The following NAV2 variants were observed in gnomAD, a reference collection of about 807,000 sequenced individuals.
NAV2 encodes helicase, APC down-regulated 1.
Under a neutral mutation model 223.2 loss-of-function variants are expected in NAV2, and 54 were observed. The ratio of observed to expected loss-of-function variants is 0.24; its 90% CI spans 0.19 to 0.30. The LOEUF (loss-of-function observed/expected upper bound fraction) is 0.30. Among genes scored for constraint, NAV2 ranks in the 10% least tolerant of loss-of-function variants. The pLI is 1.00. For synonymous variants in NAV2, 1,279 were observed against 1,239.3 expected (o/e 1.03, Z -0.67); for missense variants, 2,806 against 3,147.5 (o/e 0.89, Z 2.60).
At chr11:19,939,845 A>G (rs2046252247) in intron 8 of NAV2, 72 bp downstream of exon 8, 3 of 1,042,522 alleles carry the variant, frequency 2.9e-6, no homozygotes, top group Non-Finnish European at 4.4e-6. Context: ...CTGGAACAGC[A>G]TGAACCCAGC....
chr11:19,747,507 T>A (rs2053473778), intron 1 of NAV2, among the ~76,000 whole-genome samples: 1 of 152,188 alleles, frequency 6.6e-6, no homozygotes, highest in Admixed American at 6.5e-5. Flanking sequence ...ACACTGACTA[T>A]GCCATTCTCA....
chr11:19,562,497 T>C (rs1012534355), intron 1 of NAV2, among the ~76,000 whole-genome samples: 1 of 152,194 alleles, frequency 6.6e-6, no homozygotes, highest in Non-Finnish European at 1.5e-5. Flanking sequence ...TGACTCTTCA[T>C]ATTTTTTTTT....
At chr11:20,095,015 G>A (rs1288107553) in intron 29 of NAV2, among the ~76,000 whole-genome samples, 1 of 152,204 alleles carries the variant, frequency 6.6e-6, no homozygotes, top group Non-Finnish European at 1.5e-5. Context: ...GATGTTTTGA[G>A]AGTATTCTTC....
intron 1 of NAV2, chr11:19,351,117 C>A: frequency 7.9e-7 from 1 of 1,270,232 alleles, no homozygotes; most frequent in Non-Finnish European, 1.1e-6. Context: ...ATCGAGCATG[C>A]TTGTCTGTCT....
chr11:19,561,131 G>A (rs1018519186), intron 1 of NAV2, among the ~76,000 whole-genome samples: 3 of 152,184 alleles, frequency 2.0e-5, no homozygotes, highest in African/African-American at 7.2e-5. Flanking sequence ...TTCAGCTTGG[G>A]TCTCTAAGGT....
intron 11 of NAV2, among the ~76,000 whole-genome samples, chr11:20,000,641 G>A (rs939441715): frequency 6.6e-6 from 1 of 152,154 alleles, no homozygotes; most frequent in African/African-American, 2.4e-5. Flanking sequence ...CAAGCTGGGG[G>A]AGCTAATGGG....
intron 1 of NAV2, among the ~76,000 whole-genome samples, chr11:19,449,526 C>T (rs1851712165): frequency 6.6e-6 from 1 of 151,974 alleles, no homozygotes; most frequent in Non-Finnish European, 1.5e-5. Context: ...CCTGCCCATA[C>T]CTCCTCAGGC....
At chr11:19,886,205 T>C (rs1373809300) in intron 5 of NAV2, among the ~76,000 whole-genome samples, 1 of 151,966 alleles carries the variant, frequency 6.6e-6, no homozygotes, top group Non-Finnish European at 1.5e-5. Context: ...CTCCAACTCC[T>C]GGGCTCAAGC....
At chr11:19,899,780 A>G (rs1033003942) in intron 6 of NAV2, among the ~76,000 whole-genome samples, 1 of 152,210 alleles carries the variant, frequency 6.6e-6, no homozygotes, top group African/African-American at 2.4e-5. Flanking sequence ...CTTAGAGAAA[A>G]GGAAGGCTGG....
intron 1 of NAV2, among the ~76,000 whole-genome samples, chr11:19,651,751 C>A (rs1282109049): frequency 2.6e-5 from 4 of 152,140 alleles, no homozygotes; most frequent in African/African-American, 9.7e-5. Flanking sequence ...GAATTATTAC[C>A]AATCCTGACT....
chr11:19,478,444 T>C (rs1454757928), intron 1 of NAV2, among the ~76,000 whole-genome samples: 3 of 152,108 alleles, frequency 2.0e-5, no homozygotes, highest in African/African-American at 7.2e-5. Context: ...GCAGGCCAGT[T>C]TGGAGTTCAC....
chr11:19,359,321 C>A (rs1295285406), intron 1 of NAV2, among the ~76,000 whole-genome samples: 1 of 152,154 alleles, frequency 6.6e-6, no homozygotes, highest in Non-Finnish European at 1.5e-5. Flanking sequence ...AATCTATTAT[C>A]CCTGTCACCC....
chr11:19,378,014 T>A (rs1046742644), intron 1 of NAV2, among the ~76,000 whole-genome samples: 1 of 152,046 alleles, frequency 6.6e-6, no homozygotes, highest in Non-Finnish European at 1.5e-5. Flanking sequence ...AGGTGGAAGA[T>A]CAGAGGAGAC....
intron 1 of NAV2, among the ~76,000 whole-genome samples, chr11:19,443,914 CTTA>C (rs971634419): frequency 6.6e-6 from 1 of 152,196 alleles, no homozygotes; most frequent in East Asian, 1.9e-4. Context: ...GACAACTCCT[CTTA>C]TTATTATTAT....
At chr11:19,718,376 T>G (rs1590163344) in intron 1 of NAV2, among the ~76,000 whole-genome samples, 1 of 152,224 alleles carries the variant, frequency 6.6e-6, no homozygotes, top group South Asian at 2.1e-4. Flanking sequence ...ATTTTGATAT[T>G]TCCTGTTTTT....
At chr11:20,072,651 G>A (rs993511148) in intron 22 of NAV2, among the ~76,000 whole-genome samples, 26 of 152,058 alleles carry the variant, frequency 1.7e-4, no homozygotes, top group Non-Finnish European at 2.8e-4. Flanking sequence ...GGTCCTTCAC[G>A]TCCCTTGTAA....
Position 19,967,180 on chromosome 11 carries a change from T to C in NAV2, c.2646-16945T>C, listed in dbSNP as rs138330219. ...AGGGTGCGGCCAGTTTCAGGAAGCT[T>C]GAGAGCCAAGCCTATTCTCTTGGTG... is the stretch of plus-strand genomic sequence containing the variant. On this transcript the variant is annotated intron_variant, in intron 10 of 37. Transcript: ENST00000349880. Among the ~76,000 whole-genome samples the C allele has an allele frequency of 3.7e-3, 566 of 152,226 alleles. 1 individual carries two copies. Among genetic ancestry groups the C allele is most frequent in the African/African-American group, 0.013 (548 of 41,528 alleles).
At chr11:19,359,214 G>A (rs78748616) in intron 1 of NAV2, among the ~76,000 whole-genome samples, 2,451 of 152,326 alleles carry the variant, frequency 0.016, 66 homozygotes, top group African/African-American at 0.055. Flanking sequence ...GGGAGAAATA[G>A]TGTCTGGTAG....
chr11:19,472,310 G>A (rs2133940464), intron 1 of NAV2, among the ~76,000 whole-genome samples: 1 of 152,152 alleles, frequency 6.6e-6, no homozygotes, highest in East Asian at 1.9e-4. Context: ...CCTGCTCTGT[G>A]ATGTTGGACA....
Sources: allele counts gnomAD v4.1 joint callset (sites outside exome capture counted in the v4.1 genomes callset), GRCh38; gene constraint gnomAD v4.1.1; transcripts MANE v1.5; gene names NCBI Gene and HGNC (gene_info 2026-07-23, HGNC 2026-07-21).